NTM: variants seen among roughly 807,000 people sequenced by gnomAD.
NTM encodes the protein neurotrimin.
In NTM, 13 loss-of-function variants were observed where a neutral mutation model predicts 42.1. The observed-to-expected ratio is 0.31, with a 90% CI of 0.20 to 0.49. NTM has a LOEUF of 0.49. Among genes scored for constraint, NTM ranks in the 20% least tolerant of loss-of-function variants. The probability of loss-of-function intolerance (pLI) is 0.99; values close to 1 mark genes in which losing one functional copy is unlikely to be tolerated. For synonymous variants in NTM, 187 were observed against 179.2 expected (o/e 1.04, Z -0.35); for missense variants, 373 against 452.8 (o/e 0.82, Z 1.60).
chr11:131,652,149 T>C (rs1275029903), intron 1 of NTM, among the ~76,000 whole-genome samples: 1 of 152,150 alleles, frequency 6.6e-6, no homozygotes, highest in African/African-American at 2.4e-5. Context: ...TGTCCTCTTG[T>C]GTAAAATGGA....
intron 1 of NTM, among the ~76,000 whole-genome samples, chr11:131,850,859 GAGA>G (rs1402692515): frequency 6.6e-6 from 1 of 152,228 alleles, no homozygotes; most frequent in African/African-American, 2.4e-5. Flanking sequence ...ATTTCTTGAG[GAGA>G]AGAAGAGGCA....
chr11:131,494,544 T>C (rs1437199924), intron 1 of NTM, among the ~76,000 whole-genome samples: 1 of 152,224 alleles, frequency 6.6e-6, no homozygotes, highest in Non-Finnish European at 1.5e-5. Context: ...TTGTGAGATA[T>C]GGAACTTTCA....
chr11:131,767,121 T>C (rs2085245873), intron 1 of NTM: 4 of 982,370 alleles, frequency 4.1e-6, no homozygotes, highest in Non-Finnish European at 4.8e-6. Context: ...GTAAGTCTCA[T>C]GTAAGGATCA....
At chr11:131,412,529 G>A (rs1243778451) in intron 1 of NTM, among the ~76,000 whole-genome samples, 1 of 152,096 alleles carries the variant, frequency 6.6e-6, no homozygotes, top group Non-Finnish European at 1.5e-5. Flanking sequence ...AGACAAAACT[G>A]TCCTCCTCTC....
intron 2 of NTM, among the ~76,000 whole-genome samples, chr11:132,006,080 C>T (rs145326286): frequency 5.2e-4 from 79 of 152,258 alleles, no homozygotes; most frequent in African/African-American, 1.9e-3. Context: ...AGGCATGCTT[C>T]TCTTTGGAAG....
At chr11:131,444,355 G>A (rs952459223) in intron 1 of NTM, among the ~76,000 whole-genome samples, 2 of 152,090 alleles carry the variant, frequency 1.3e-5, no homozygotes, top group African/African-American at 2.4e-5. Context: ...GAAAGAAAAG[G>A]GATCAGATTG....
chr11:131,565,534 C>T (rs1284032216), intron 1 of NTM, among the ~76,000 whole-genome samples: 1 of 152,224 alleles, frequency 6.6e-6, no homozygotes, highest in African/African-American at 2.4e-5. Context: ...TCTTTGTTGT[C>T]ATGGCTCCTT....
intron 1 of NTM, among the ~76,000 whole-genome samples, chr11:131,450,962 G>A (rs1277729446): frequency 6.6e-6 from 1 of 152,068 alleles, no homozygotes; most frequent in Non-Finnish European, 1.5e-5. Context: ...AGGGCAATGG[G>A]ACTCTTTCTG....
At chr11:131,718,219 T>G (rs2077932285) in intron 1 of NTM, among the ~76,000 whole-genome samples, 1 of 152,212 alleles carries the variant, frequency 6.6e-6, no homozygotes, top group African/African-American at 2.4e-5. Context: ...AATGCTGACC[T>G]TATAGAATGA....
chr11:131,801,826 T>C (rs555150980), intron 1 of NTM, among the ~76,000 whole-genome samples: 1 of 152,202 alleles, frequency 6.6e-6, no homozygotes, highest in South Asian at 2.1e-4. Flanking sequence ...TGAACCTTTC[T>C]CTCAATCTCC....
At chr11:131,459,675 G>A (rs980548631) in intron 1 of NTM, among the ~76,000 whole-genome samples, 4 of 151,268 alleles carry the variant, frequency 2.6e-5, no homozygotes, top group Non-Finnish European at 5.9e-5. Flanking sequence ...ATCTAAGCAC[G>A]GTCCTGGGTG....
chr11:132,004,778 C>G (rs1393893251), intron 2 of NTM, among the ~76,000 whole-genome samples: 1 of 152,010 alleles, frequency 6.6e-6, no homozygotes, highest in East Asian at 1.9e-4. Context: ...GGGATTGATT[C>G]AGCTTTCAAG....
intron 1 of NTM, among the ~76,000 whole-genome samples, chr11:131,492,253 A>G (rs1954881879): frequency 2.0e-5 from 3 of 152,164 alleles, no homozygotes; most frequent in Admixed American, 6.5e-5. Flanking sequence ...TGTTACTCTC[A>G]TTTTGTGAGT....
chr11:132,059,575 G>A (rs985117826), intron 2 of NTM, among the ~76,000 whole-genome samples: 3 of 152,118 alleles, frequency 2.0e-5, no homozygotes, highest in African/African-American at 7.2e-5. Flanking sequence ...CAGATCCTAG[G>A]TTAGCAGTCC....
At chr11:131,734,679 G>A (rs1430714753) in intron 1 of NTM, among the ~76,000 whole-genome samples, 1 of 151,998 alleles carries the variant, frequency 6.6e-6, no homozygotes, top group Non-Finnish European at 1.5e-5. Flanking sequence ...CTTCCCCTTT[G>A]CTTTACTCCA....
chr11:131,654,464 T>G (rs1266109631), intron 1 of NTM, among the ~76,000 whole-genome samples: 2 of 151,760 alleles, frequency 1.3e-5, no homozygotes, highest in African/African-American at 4.8e-5. Flanking sequence ...AGTCTCAGGG[T>G]TCCATCTAAT....
chr11:132,256,994 G>A (rs1032893483), intron 4 of NTM, among the ~76,000 whole-genome samples: 10 of 152,080 alleles, frequency 6.6e-5, no homozygotes, highest in South Asian at 2.1e-4. Context: ...CTGTCACCGC[G>A]CCCCATCACT....
intron 2 of NTM, among the ~76,000 whole-genome samples, chr11:131,964,232 G>T (rs1003524906): frequency 2.6e-5 from 4 of 152,156 alleles, no homozygotes; most frequent in African/African-American, 9.7e-5. Context: ...TTGGTTGGGG[G>T]CTTCCTGAGA....
chr11:131,425,632 C>T (rs1457972434), intron 1 of NTM, among the ~76,000 whole-genome samples: 1 of 152,064 alleles, frequency 6.6e-6, no homozygotes, highest in Non-Finnish European at 1.5e-5. Flanking sequence ...GTCAGTAGTG[C>T]CTTTGAGGGA....
Sources: allele counts gnomAD v4.1 joint callset (sites outside exome capture counted in the v4.1 genomes callset), GRCh38; gene constraint gnomAD v4.1.1; transcripts MANE v1.5; gene names NCBI Gene and HGNC (gene_info 2026-07-23, HGNC 2026-07-21).